EZR: variants seen among roughly 807,000 people sequenced by gnomAD.
EZR encodes ezrin, also known as cytovillin 2.
Under a neutral mutation model 74.8 loss-of-function variants are expected in EZR, and 40 were observed. The ratio of observed to expected loss-of-function variants is 0.53; its 90% CI spans 0.42 to 0.70. EZR has a LOEUF of 0.70. Among genes scored for constraint, EZR ranks in the 30% least tolerant of loss-of-function variants. EZR has a pLI of 0.00. For missense variants in EZR, 678 were observed against 755.8 expected (o/e 0.90, Z 1.21); for synonymous variants, 341 against 283.3 (o/e 1.20, Z -2.05).
At chr6:158,787,978 T>C (rs3123114) in intron 3 of EZR, among the ~76,000 whole-genome samples, 79,885 of 152,066 alleles carry the variant, frequency 0.53, 21,916 homozygotes, top group Non-Finnish European at 0.61. Context: ...TCGAACTTGC[T>C]GTGGACATTT....
chr6:158,794,192 A>T (rs1777008381), intron 2 of EZR, among the ~76,000 whole-genome samples: 1 of 152,034 alleles, frequency 6.6e-6, no homozygotes, highest in African/African-American at 2.4e-5. Flanking sequence ...GAGGCAGGAG[A>T]ATTGCTTGAA....
chr6:158,782,920 T>G (rs1302082680), intron 7 of EZR, among the ~76,000 whole-genome samples: 1 of 152,230 alleles, frequency 6.6e-6, no homozygotes, highest in Non-Finnish European at 1.5e-5. Flanking sequence ...ATGCCCTGTA[T>G]GTGAAAGCGG....
chr6:158,785,278 TC>T, intron 5 of EZR, 30 bp downstream of exon 5: 1 of 1,607,738 alleles, frequency 6.2e-7, no homozygotes, highest in South Asian at 1.1e-5. Flanking sequence ...GCATGACTGC[TC>T]CTGCCCAGGC....
At chr6:158,798,865 G>C (rs1169925967) in intron 2 of EZR, among the ~76,000 whole-genome samples, 11 of 152,116 alleles carry the variant, frequency 7.2e-5, no homozygotes, top group Non-Finnish European at 1.5e-5. Flanking sequence ...CTGACCTCAA[G>C]GGATCCGCCC....
intron 12 of EZR, among the ~76,000 whole-genome samples, chr6:158,768,811 G>T (rs1791001734): frequency 6.6e-6 from 1 of 152,210 alleles, no homozygotes; most frequent in Non-Finnish European, 1.5e-5. Flanking sequence ...GAGGCTTGAA[G>T]AAGTGATGCT....
intron 2 of EZR, among the ~76,000 whole-genome samples, chr6:158,815,758 G>T (rs1777541115): frequency 6.6e-6 from 1 of 152,184 alleles, no homozygotes; most frequent in Non-Finnish European, 1.5e-5. Context: ...CTGTAATCAG[G>T]CCACCTCGCC....
rs2242318 is a variant in EZR, at chr6:158,767,096, A to G, written c.1597-18T>C. On this transcript the variant is annotated intron_variant, in intron 13 of 13. Coordinates refer to ENST00000367075, the MANE Select transcript of EZR (RefSeq NM_001111077.2). ...CTCAGCGTCTGTAACATTAAGCAGC[A>G]TTGGTCTAGTCCCTTCCTCCCCATA... The G allele has an allele frequency of 0.71, 1,139,882 of 1,613,162 alleles. 416,358 individuals carry two copies. Among genetic ancestry groups the G allele is most frequent in the Non-Finnish European group, 0.75 (889,046 of 1,179,450 alleles).
chr6:158,769,176 G>A (rs779571311), intron 12 of EZR, 150 bp downstream of exon 12: 28 of 641,772 alleles, frequency 4.4e-5, no homozygotes, highest in Admixed American at 1.2e-4. Context: ...ATTGGCAGAG[G>A]ATCATGAGAC....
rs368743946 is a variant in EZR at position 158,769,314 on chromosome 6, G to A, written c.1344+12C>T. ...CTGTGGCCGTGCGGAGGTGTCCCCC[G>A]TGCAGACTCACCCTGTGCTGCCACT... is the stretch of plus-strand genomic sequence containing the variant. On this transcript the variant is annotated intron_variant, in intron 12 of 13. Transcript: ENST00000367075. 4.6e-5 allele frequency: 74 copies of A among 1,606,926 alleles called. No homozygotes were observed. The highest frequency in any genetic ancestry group is 2.5e-4 in the South Asian group (23 of 91,060).
intron 2 of EZR, among the ~76,000 whole-genome samples, chr6:158,807,025 A>C (rs764642485): frequency 6.6e-6 from 1 of 152,190 alleles, no homozygotes; most frequent in Admixed American, 6.5e-5. Context: ...CTTTAAAAAC[A>C]TAACAGGCCA....
chr6:158,776,509 G>A lies in EZR; in HGVS notation c.699-5C>T, dbSNP rs1256812948. 6.2e-7 allele frequency: 1 copy of A among 1,605,060 alleles called. No homozygotes were observed. Among genetic ancestry groups the A allele is most frequent in the Admixed American group, 1.7e-5 (1 of 58,328 alleles). On this transcript the variant is annotated splice_polypyrimidine_tract_variant and splice_region_variant and intron_variant, in intron 7 of 13. Transcript: ENST00000367075. Reference sequence around the variant, plus strand: ...AAGCCAATCTTTGGGGTTAACCTGAGGTTAAAAAGAAGAAGTGGATGGTTA... The same window carrying A: ...AAGCCAATCTTTGGGGTTAACCTGAAGTTAAAAAGAAGAAGTGGATGGTTA...
At chr6:158,774,578 T>C (rs984504758) in intron 8 of EZR, among the ~76,000 whole-genome samples, 15 of 151,326 alleles carry the variant, frequency 9.9e-5, no homozygotes, top group Non-Finnish European at 2.2e-4. Flanking sequence ...TACTCTATAA[T>C]AAAGGCACAT....
At chr6:158,789,861 C>T (rs1791687401) in intron 2 of EZR, among the ~76,000 whole-genome samples, 1 of 152,238 alleles carries the variant, frequency 6.6e-6, no homozygotes, top group Admixed American at 6.5e-5. Flanking sequence ...CTCAAGCAAG[C>T]CTCCCATCTC....
Position 158,785,496 on chromosome 6 carries a change from T to A in EZR, c.280A>T (p.Ile94Phe). The change falls in exon 5 of 14, where the codon ATC becomes TTC. Residue 94 changes from isoleucine to phenylalanine, a missense_variant. Transcript: ENST00000367075. ...AAAAGTTTCTGGGTGATGTCCTGGA[T>A]GAGCTCCTCAGCCACATCTTCAGGG... ...FYPEDVAEELIQDITQKLFFL... is the reference protein window; with the variant it reads ...FYPEDVAEELFQDITQKLFFL... The A allele has an allele frequency of 6.2e-7, 1 of 1,614,138 alleles. No individual in the cohort carries two copies. The highest frequency in any genetic ancestry group is 8.5e-7 in the Non-Finnish European group (1 of 1,179,982).
At chr6:158,803,530 TATATATATATATATGTATATATATA>T (rs1777236944) in intron 2 of EZR, among the ~76,000 whole-genome samples, 1 of 68,192 alleles carries the variant, frequency 1.5e-5, no homozygotes, top group Non-Finnish European at 2.4e-5. Context: ...TGTAACATTA[TATATATATATATATGTATATATATA>T]TATATATATA....
At chr6:158,789,825 G>A (rs952166515) in intron 2 of EZR, among the ~76,000 whole-genome samples, 6 of 152,184 alleles carry the variant, frequency 3.9e-5, no homozygotes, top group African/African-American at 7.2e-5. Context: ...TCACTATGTT[G>A]CCTAGGCTGG....
intron 2 of EZR, among the ~76,000 whole-genome samples, chr6:158,802,199 A>G (rs1484826400): frequency 6.6e-6 from 1 of 152,208 alleles, no homozygotes; most frequent in African/African-American, 2.4e-5. Flanking sequence ...GCAAGGTCAT[A>G]ACTACAGACT....
intron 2 of EZR, among the ~76,000 whole-genome samples, chr6:158,794,650 A>G (rs888263086): frequency 6.6e-6 from 1 of 152,196 alleles, no homozygotes; most frequent in African/African-American, 2.4e-5. Context: ...TTCCCCTCAG[A>G]TTACACAGTT....
At chr6:158,809,819 G>A (rs1414910264) in intron 2 of EZR, among the ~76,000 whole-genome samples, 2 of 152,156 alleles carry the variant, frequency 1.3e-5, no homozygotes, top group Non-Finnish European at 1.5e-5. Context: ...GGTCTTACTT[G>A]GAGTCCGTTG....
Sources: gnomAD v4.1 joint callset for allele counts (sites outside exome capture counted in the v4.1 genomes callset) on GRCh38, gnomAD v4.1.1 for gene constraint, MANE v1.5 for transcripts, NCBI Gene and HGNC (gene_info 2026-07-23, HGNC 2026-07-21) for gene names.